Variants in FGG observed in about 807,000 individuals in gnomAD.
The protein encoded by FGG is fibrinogen gamma chain, also known as fibrinogen, gamma polypeptide.
FGG carries 20 observed loss-of-function variants against 51.7 expected under a neutral mutation model. The observed-to-expected ratio is 0.39, with a 90% CI of 0.27 to 0.56. FGG has a LOEUF of 0.56. Among genes scored for constraint, FGG ranks in the 20% least tolerant of loss-of-function variants. The probability of loss-of-function intolerance (pLI) is 0.64; values close to 1 mark genes in which losing one functional copy is unlikely to be tolerated. For synonymous variants in FGG, 184 were observed against 184.7 expected (o/e 1.00, Z 0.03); for missense variants, 460 against 534.2 (o/e 0.86, Z 1.37).
rs766524002 is a variant in FGG, at chr4:154,606,709, G to A, written c.1125C>T (p.Tyr375=). ...CHAGHLNGVY[Y]QGGTYSKAST... ...ATCTAAGAAAGGAAAACATACCTTG[G>A]TAATAAACTCCATTGAGATGGCCAG... The change falls in exon 8 of 9, where the codon TAC becomes TAT. Residue 375 remains tyrosine (Y), a synonymous_variant. Coordinates refer to ENST00000336098, the MANE Select transcript of FGG (RefSeq NM_021870.3). 75 of 1,613,568 alleles carry A rather than the reference G, an allele frequency of 4.6e-5. No individual in the cohort carries two copies. Among genetic ancestry groups the A allele is most frequent in the Non-Finnish European group, 6.3e-5 (74 of 1,179,784 alleles).
rs138492308 is a variant in FGG at position 154,604,194 on chromosome 4, A to G, written c.*640T>C. 1.8e-5 allele frequency: 10 copies of G among 542,176 alleles called. No homozygotes were observed. Among genetic ancestry groups the G allele is most frequent in the Middle Eastern group, 2.7e-4 (1 of 3,682 alleles). 33.6% of individuals were successfully genotyped at this position (542,176 alleles called of 1,614,324 possible). ...ATGTAGATAAATTATCATCAGCATA[A>G]AACTGTTATGGAGTTTTCAACATGG... On this transcript the variant is annotated 3_prime_UTR_variant, in exon 9 of 9. Coordinates refer to ENST00000336098, the MANE Select transcript of FGG (RefSeq NM_021870.3).
At position 154,604,222 on chromosome 4, in the gene FGG, T is replaced by A; in HGVS notation, c.*612A>T. On this transcript the variant is annotated 3_prime_UTR_variant, in exon 9 of 9. Transcript: ENST00000336098. ...CTGTTATGGAGTTTTCAACATGGGG[T>A]CTTTTGCTCTTAAAATGAAGTGAAG... 2.9e-6 allele frequency: 2 copies of A among 699,348 alleles called. No homozygotes were observed. The highest frequency in any genetic ancestry group is 4.6e-6 in the Non-Finnish European group (2 of 438,438). 43.3% of individuals were successfully genotyped at this position (699,348 alleles called of 1,614,324 possible). A position where few individuals can be genotyped will look rare whatever the true frequency, so the allele number is the denominator to read the frequency against.
chr4:154,608,174 T>C (rs1236490483), intron 7 of FGG, among the ~76,000 whole-genome samples: 1 of 152,216 alleles, frequency 6.6e-6, no homozygotes, highest in Non-Finnish European at 1.5e-5. Context: ...TTAGACTAGA[T>C]AAAATTATAA....
chr4:154,612,613 G>A lies in FGG; in HGVS notation c.-4C>T, dbSNP rs745632656. The A allele has an allele frequency of 1.9e-6, 3 of 1,613,540 alleles. No individual in the cohort carries two copies. In the South Asian group the frequency reaches 3.3e-5, roughly 18 times the overall value. ...GGGGGTGCAAGGACCAACTCATGAT[G>A]TCTGAGTGCCCGGAGCTCCGAGCCT... On this transcript the variant is annotated 5_prime_UTR_variant, in exon 1 of 9. Coordinates refer to ENST00000336098, the MANE Select transcript of FGG (RefSeq NM_021870.3).
intron 4 of FGG, chr4:154,611,181 T>A (rs1300879362): frequency 6.6e-6 from 1 of 152,178 alleles, no homozygotes; most frequent in South Asian, 2.1e-4. Flanking sequence ...AAAAAAAAAT[T>A]GGGGAAAAAT....
At position 154,612,443 on chromosome 4, in the gene FGG, A is replaced by G; in HGVS notation, c.79-8T>C. On this transcript the variant is annotated splice_polypyrimidine_tract_variant and splice_region_variant and intron_variant, in intron 1 of 8. Coordinates refer to ENST00000336098, the MANE Select transcript of FGG (RefSeq NM_021870.3). ...GTCTCTGGTAGCAACATACTAAAAG[A>G]GAAAAAATACAGAAATTTCACTAGT... The G allele has an allele frequency of 1.2e-6, 2 of 1,614,000 alleles. No homozygotes were observed. The highest frequency in any genetic ancestry group is 1.7e-6 in the Non-Finnish European group (2 of 1,179,880).
intron 4 of FGG, 38 bp from the exon 5 acceptor site, chr4:154,610,235 C>A: frequency 1.4e-6 from 2 of 1,470,750 alleles, no homozygotes; most frequent in South Asian, 2.3e-5. Context: ...AATAAGAAGA[C>A]AAAAATAAGT....
intron 7 of FGG, among the ~76,000 whole-genome samples, chr4:154,608,093 G>T (rs1317424622): frequency 6.6e-6 from 1 of 152,130 alleles, no homozygotes; most frequent in Non-Finnish European, 1.5e-5. Flanking sequence ...CCACTTATCA[G>T]CAATGTGACT....
In FGG at chr4:154,606,800, T is replaced by C; in HGVS notation, c.1034A>G (p.Asn345Ser). 1 of 1,614,010 alleles carries C rather than the reference T, an allele frequency of 6.2e-7. No individual in the cohort carries two copies. The highest frequency in any genetic ancestry group is 1.1e-5 in the South Asian group (1 of 91,078). The change falls in exon 8 of 9, where the codon AAT (asparagine) becomes AGT (serine). Residue 345 changes from asparagine to serine, a missense_variant. This residue lies in a region of FGG where 15 missense variants were observed against 48.8 expected (regional missense o/e 0.31). Coordinates refer to ENST00000336098, the MANE Select transcript of FGG (RefSeq NM_021870.3). Reference protein sequence around the residue: ...GMQFSTWDNDNDKFEGNCAEQ... With the variant: ...GMQFSTWDNDSDKFEGNCAEQ... Reference sequence around the variant, plus strand: ...AGCACAGTTGCCTTCAAACTTATCATTGTCATTGTCCCAGGTACTGAACTG... The same window carrying C: ...AGCACAGTTGCCTTCAAACTTATCACTGTCATTGTCCCAGGTACTGAACTG...
Position 154,609,775 on chromosome 4 carries a change from G to A in FGG, c.533-12C>T. 1 of 1,614,012 alleles carries A rather than the reference G, an allele frequency of 6.2e-7. No homozygotes were observed. Among genetic ancestry groups the A allele is most frequent in the African/African-American group, 1.3e-5 (1 of 75,046 alleles). ...AATGTCTTGACAATCTAGAGAAGGA[G>A]AATCGACTTTTACTGTGGTTTGAAA... On this transcript the variant is annotated splice_polypyrimidine_tract_variant and intron_variant, in intron 5 of 8. Coordinates refer to ENST00000336098, the MANE Select transcript of FGG (RefSeq NM_021870.3).
Position 154,608,487 on chromosome 4 carries a change from T to C in FGG, c.830A>G (p.Glu277Gly), listed in dbSNP as rs751246402. 6.2e-7 allele frequency: 1 copy of C among 1,613,566 alleles called. No individual in the cohort carries two copies. Among genetic ancestry groups the C allele is most frequent in the South Asian group, 1.1e-5 (1 of 91,074 alleles). Residue 277 changes from glutamate to glycine, a missense_variant, in exon 7 of 9, where the codon GAA becomes GGA. Glu to Gly is a moderately conservative substitution (Grantham distance 98, BLOSUM62 -2). Around this residue, in one of 3 missense-constraint regions of FGG, gnomAD observed 353 missense variants for 391.7 expected, o/e 0.90. Coordinates refer to ENST00000336098, the MANE Select transcript of FGG (RefSeq NM_021870.3). ...AIPYALRVEL[E>G]DWNGRTSTAD... ...GTACCTGGTTCTGCCATTCCAGTCTTCCAGTTCCACTCTTAATGCATATGG... is the reference window on the plus strand; with the variant it reads ...GTACCTGGTTCTGCCATTCCAGTCTCCCAGTTCCACTCTTAATGCATATGG...
chr4:154,612,346 C>T, intron 2 of FGG, 45 bp downstream of exon 2: 1 of 1,603,508 alleles, frequency 6.2e-7, no homozygotes, highest in Non-Finnish European at 8.5e-7. Context: ...TTCCTCTGCC[C>T]CTCTCCAGTT....
chr4:154,608,364 G>T, intron 7 of FGG, 102 bp downstream of exon 7: 1 of 1,166,962 alleles, frequency 8.6e-7, no homozygotes, highest in Non-Finnish European at 1.2e-6. Context: ...TGTGCTGTTT[G>T]CATTTGTCAG....
chr4:154,610,071 C>A lies in FGG; in HGVS notation c.528G>T (p.Gly176=). Residue 176 remains glycine (G), a synonymous_variant, in exon 5 of 9, where the codon GGG becomes GGT. Coordinates refer to ENST00000336098, the MANE Select transcript of FGG (RefSeq NM_021870.3). ...KDTVQIHDIT[G]KDCQDIANKG... is the part of the protein sequence containing the mutation. ...AATATAACCTTCATCAGTTACCTTTCCCAGTGATATCATGGATTTGCACCG... is the reference window on the plus strand; with the variant it reads ...AATATAACCTTCATCAGTTACCTTTACCAGTGATATCATGGATTTGCACCG... The A allele has an allele frequency of 1.2e-6, 2 of 1,613,806 alleles. No homozygotes were observed. The highest frequency in any genetic ancestry group is 8.5e-7 in the Non-Finnish European group (1 of 1,179,808).
intron 4 of FGG, chr4:154,611,569 T>G: frequency 2.9e-6 from 1 of 347,662 alleles, no homozygotes; most frequent in Non-Finnish European, 5.2e-6. Flanking sequence ...AAACTAGCAT[T>G]TGAAGACATC....
intron 8 of FGG, 98 bp downstream of exon 8, chr4:154,606,607 T>C: frequency 7.5e-7 from 1 of 1,330,632 alleles, no homozygotes; most frequent in East Asian, 2.5e-5. Context: ...CCTACTATCT[T>C]TATAAATTAT....
chr4:154,612,034 A>T lies in FGG; in HGVS notation c.291T>A (p.Asp97Glu), dbSNP rs1731224625. Residue 97 changes from aspartate to glutamate, a missense_variant, in exon 3 of 9, where the codon GAT becomes GAA. Asp to Glu is a conservative substitution (Grantham distance 45). This residue lies in a region of FGG where 353 missense variants were observed against 391.7 expected (regional missense o/e 0.90). Transcript: ENST00000336098. ...IKAIQLTYNP[D>E]ESSKPNMIDA... ...TTTTCTCACTTGGTTTTGATGATTC[A>T]TCAGGATTATAAGTGAGTTGGATTG... The T allele has an allele frequency of 1.9e-6, 3 of 1,612,820 alleles. No individual in the cohort carries two copies. The highest frequency in any genetic ancestry group is 8.5e-7 in the Non-Finnish European group (1 of 1,179,714).
chr4:154,605,192 T>A, intron 8 of FGG, 126 bp from the exon 9 acceptor site: 2 of 859,112 alleles, frequency 2.3e-6, no homozygotes, highest in Non-Finnish European at 3.7e-6. Context: ...ATCTGCTAAC[T>A]GAAAATATCT....
chr4:154,611,968 T>TTG, intron 3 of FGG, 50 bp downstream of exon 3: 1 of 1,605,562 alleles, frequency 6.2e-7, no homozygotes, highest in Non-Finnish European at 8.5e-7. Flanking sequence ...GCAAAAGAAC[T>TTG]TCACAGATTA....
Sources: gnomAD v4.1 joint callset for allele counts (sites outside exome capture counted in the v4.1 genomes callset) on GRCh38, gnomAD v4.1.1 for gene constraint, gnomAD v4.1.1 regional missense constraint, MANE v1.5 for transcripts, NCBI Gene and HGNC (gene_info 2026-07-23, HGNC 2026-07-21) for gene names.